Variants in FGF12 observed in about 807,000 individuals in gnomAD.
FGF12 encodes fibroblast growth factor 12, also known as fibroblast growth factor 12B.
A neutral mutation model predicts 23.6 loss-of-function variants in FGF12; 14 were observed. The observed-to-expected ratio is 0.59, with a 90% confidence interval of 0.39 to 0.93. The LOEUF (loss-of-function observed/expected upper bound fraction) is 0.93. Ranked by LOEUF, FGF12 falls within the 40% of genes least tolerant of loss-of-function variation. FGF12 has a pLI of 0.00. For synonymous variants in FGF12, 62 were observed against 77.3 expected (o/e 0.80, Z 1.04); for missense variants, 175 against 217.8 (o/e 0.80, Z 1.24).
At chr3:192,432,533 G>A (rs1417195998) in intron 2 of FGF12, among the ~76,000 whole-genome samples, 1 of 150,276 alleles carries the variant, frequency 6.7e-6, no homozygotes, top group African/African-American at 2.5e-5. Context: ...TGGCCTTAAA[G>A]GAGAAATTGT....
chr3:192,632,081 T>G (rs1715409648), intron 2 of FGF12, among the ~76,000 whole-genome samples: 1 of 152,176 alleles, frequency 6.6e-6, no homozygotes, highest in Non-Finnish European at 1.5e-5. Flanking sequence ...AAAAATGAAC[T>G]GAGCTAAATA....
chr3:192,179,218 T>C (rs1367166722), intron 4 of FGF12, among the ~76,000 whole-genome samples: 3 of 152,010 alleles, frequency 2.0e-5, no homozygotes, highest in Non-Finnish European at 4.4e-5. Context: ...ATTTTATAAC[T>C]TAAAAAAAAC....
chr3:192,383,525 A>C (rs13076446), intron 2 of FGF12, among the ~76,000 whole-genome samples: 1,930 of 139,446 alleles, frequency 0.014, 25 homozygotes, highest in Non-Finnish European at 0.021. Context: ...GATTTAAAAA[A>C]AAAAAAATCT....
intron 4 of FGF12, among the ~76,000 whole-genome samples, chr3:192,329,686 T>C (rs1362504226): frequency 6.6e-6 from 1 of 152,172 alleles, no homozygotes; most frequent in Admixed American, 6.5e-5. Context: ...TGAGAAAATT[T>C]AGGTGGTCTT....
intron 2 of FGF12, among the ~76,000 whole-genome samples, chr3:192,707,744 C>CAAAAAAAAAAAAAAAAAAAA (rs780175053): frequency 1.2e-5 from 1 of 84,840 alleles, no homozygotes; most frequent in African/African-American, 5.1e-5. Context: ...GACTCCTTCT[C>CAAAAAAAAAAAAAAAAAAAA]AAAAAAAAAA....
intron 2 of FGF12, among the ~76,000 whole-genome samples, chr3:192,459,855 GTGTT>G (rs907312559): frequency 2.6e-5 from 4 of 151,720 alleles, no homozygotes; most frequent in African/African-American, 7.3e-5. Flanking sequence ...GTGTGTGTGT[GTGTT>G]TGTGTGTGTG....
In FGF12 at chr3:192,189,945, C is replaced by A. The variant is rs1716687825; in HGVS notation, c.229-19289G>T. Among the ~76,000 whole-genome samples the A allele has an allele frequency of 2.0e-5, 3 of 151,818 alleles. No individual in the cohort carries two copies. In the South Asian group the frequency reaches 6.2e-4, roughly 32 times the overall value. ...GACTTTTGTGTTTGACACTCAGGAG[C>A]AAGGGGGGATGGTGGGGGAGACTAT... On this transcript the variant is annotated intron_variant, in intron 4 of 5. Coordinates refer to ENST00000445105, the MANE Select transcript of FGF12 (RefSeq NM_004113.6).
intron 2 of FGF12, among the ~76,000 whole-genome samples, chr3:192,491,044 T>C (rs1577015335): frequency 6.6e-6 from 1 of 152,150 alleles, no homozygotes; most frequent in East Asian, 1.9e-4. Context: ...AAAGAAATTG[T>C]TTTCCAAAGC....
intron 2 of FGF12, among the ~76,000 whole-genome samples, chr3:192,593,439 A>G (rs1476726463): frequency 6.6e-6 from 1 of 151,742 alleles, no homozygotes; most frequent in Non-Finnish European, 1.5e-5. Flanking sequence ...CTATTTGTTT[A>G]TTTGCTGATA....
chr3:192,664,618 A>AAAAAAAAAAAAAAAAAAAAAAC (rs1560186861), intron 2 of FGF12, among the ~76,000 whole-genome samples: 1 of 148,654 alleles, frequency 6.7e-6, no homozygotes, highest in African/African-American at 2.5e-5. Flanking sequence ...AAAAAAAAAA[A>AAAAAAAAAAAAAAAAAAAAAAC]AGCTGGGCAT....
chr3:192,486,367 G>C (rs1011656052), intron 2 of FGF12, among the ~76,000 whole-genome samples: 1 of 152,014 alleles, frequency 6.6e-6, no homozygotes, highest in Admixed American at 6.6e-5. Context: ...CAGAGTAACT[G>C]GGAGGACCAG....
intron 5 of FGF12, among the ~76,000 whole-genome samples, chr3:192,158,371 T>TTTCTTTCTTTCTTTCTTTCTTTCTTTC (rs1560171443): frequency 1.0e-4 from 12 of 119,076 alleles, no homozygotes; most frequent in East Asian, 2.2e-4. Flanking sequence ...TCTTTCTTTC[T>TTTCTTTCTTTCTTTCTTTCTTTCTTTC]TTCTTTCTTT....
chr3:192,304,155 ACTAAATGACCCCCAAAG>A (rs1715492767), intron 4 of FGF12, among the ~76,000 whole-genome samples: 2 of 152,132 alleles, frequency 1.3e-5, no homozygotes, highest in Non-Finnish European at 2.9e-5. Flanking sequence ...TTTTATTCCT[ACTAAATGACCCCCAAAG>A]CAATATTCTA....
chr3:192,165,214 C>T (rs1715095717), intron 5 of FGF12, among the ~76,000 whole-genome samples: 1 of 151,942 alleles, frequency 6.6e-6, no homozygotes, highest in African/African-American at 2.4e-5. Context: ...CTCGACTTCC[C>T]AAATTGCTGG....
intron 2 of FGF12, among the ~76,000 whole-genome samples, chr3:192,442,306 A>G (rs2108797099): frequency 6.6e-6 from 1 of 152,328 alleles, no homozygotes; most frequent in South Asian, 2.1e-4. Context: ...GTGAAAAACA[A>G]TGGTTTGTGG....
chr3:192,309,310 T>C (rs1715814981), intron 4 of FGF12, among the ~76,000 whole-genome samples: 1 of 152,210 alleles, frequency 6.6e-6, no homozygotes, highest in Admixed American at 6.5e-5. Context: ...ATATCCCATC[T>C]GCTATGGTTT....
At chr3:192,275,600 A>C (rs1254906827) in intron 4 of FGF12, among the ~76,000 whole-genome samples, 2 of 152,186 alleles carry the variant, frequency 1.3e-5, no homozygotes, top group African/African-American at 4.8e-5. Context: ...GTGTTTTCTA[A>C]GTGGGAACTA....
At chr3:192,173,283 T>C (rs1265071788) in intron 4 of FGF12, among the ~76,000 whole-genome samples, 2 of 150,828 alleles carry the variant, frequency 1.3e-5, no homozygotes, top group African/African-American at 4.8e-5. Flanking sequence ...TTACGTGGCA[T>C]TCAATTGATA....
chr3:192,556,589 C>CAATAGGAGATTT lies in FGF12; in HGVS notation c.13+170591_13+170592insAAATCTCCTATT, dbSNP rs1215398256. On this transcript the variant is annotated intron_variant, in intron 2 of 5. Transcript: ENST00000445105. The stretch of plus-strand genomic sequence containing the variant: ...AATGATAATAGGAGATTTCAATACT[C>CAATAGGAGATTT]CACTTTCAATAATGGACCAAACATA... Among the ~76,000 whole-genome samples the CAATAGGAGATTT allele has an allele frequency of 3.9e-5, 6 of 152,210 alleles. No homozygotes were observed. The East Asian group carries it at 1.2e-3, about 29-fold the overall frequency.
Sources: gnomAD v4.1 joint callset for allele counts (sites outside exome capture counted in the v4.1 genomes callset) on GRCh38, gnomAD v4.1.1 for gene constraint, MANE v1.5 for transcripts, NCBI Gene and HGNC (gene_info 2026-07-23, HGNC 2026-07-21) for gene names.